Variants in MICAL3 observed in about 807,000 individuals in gnomAD.
The protein encoded by MICAL3 is microtubule associated monooxygenase, calponin and LIM domain containing 3, also known as [F-actin]-monooxygenase MICAL3.
MICAL3 carries 62 observed loss-of-function variants against 207.4 expected under a neutral mutation model. That is an observed-to-expected ratio of 0.30 (90% CI 0.24 to 0.37). The LOEUF is 0.37. Ranked by LOEUF, MICAL3 falls within the 10% of genes least tolerant of loss-of-function variation. MICAL3 has a pLI of 1.00. For missense variants in MICAL3, 2,368 were observed against 2,635.6 expected, an observed-to-expected ratio of 0.90 and a Z score of 2.22; for synonymous variants, 1,077 against 1,069.3, an observed-to-expected ratio of 1.01 and a Z score of -0.14.
intron 16 of MICAL3, chr22:17,872,779 G>T: frequency 6.2e-7 from 1 of 1,613,626 alleles, no homozygotes; most frequent in Non-Finnish European, 8.5e-7. Context: ...GCTTTGGGTT[G>T]TTCTTTCCTT....
intron 1 of MICAL3, among the ~76,000 whole-genome samples, chr22:18,006,862 C>CT (rs1432393217): frequency 6.6e-6 from 1 of 152,148 alleles, no homozygotes; most frequent in Non-Finnish European, 1.5e-5. Flanking sequence ...ATTCTGATTT[C>CT]TTTTTTTGTT....
intron 29 of MICAL3, among the ~76,000 whole-genome samples, chr22:17,799,942 A>G (rs12168131): frequency 0.19 from 27,258 of 144,160 alleles, 4,692 homozygotes; most frequent in African/African-American, 0.47. Context: ...GGGAAACCTC[A>G]CTCTAAAACA....
chr22:17,964,634 C>CT (rs1215188853), intron 1 of MICAL3, among the ~76,000 whole-genome samples: 1 of 152,230 alleles, frequency 6.6e-6, no homozygotes, highest in Non-Finnish European at 1.5e-5. Context: ...CTAGAACCCT[C>CT]TGACAGAAAG....
At chr22:17,813,917 G>C (rs140478485) in intron 27 of MICAL3, 3 of 152,184 alleles carry the variant, frequency 2.0e-5, no homozygotes, top group African/African-American at 7.2e-5. Flanking sequence ...AGAGGTAAAC[G>C]CAAGTTCTCT....
At chr22:17,856,859 G>C (rs1925969521) in intron 19 of MICAL3, among the ~76,000 whole-genome samples, 1 of 151,858 alleles carries the variant, frequency 6.6e-6, no homozygotes, top group South Asian at 2.1e-4. Flanking sequence ...CTGAACTCAT[G>C]ATCCACCCGC....
rs140546135 is a variant in MICAL3, at chr22:17,952,608, G to A, written c.-74-45722C>T. Reference sequence around the variant, plus strand: ...AAACAAACACCAAGCAGCCAATCACGCGCTATAAAATACCAAGCAGCTAAT... The same window carrying A: ...AAACAAACACCAAGCAGCCAATCACACGCTATAAAATACCAAGCAGCTAAT... On this transcript the variant is annotated intron_variant, in intron 1 of 31. Transcript: ENST00000441493. Among the ~76,000 whole-genome samples the A allele has an allele frequency of 3.7e-4, 57 of 152,298 alleles. 1 individual carries two copies. Among genetic ancestry groups the A allele is most frequent in the East Asian group, 3.3e-3 (17 of 5,188 alleles).
chr22:17,910,712 G>C (rs944817824), intron 1 of MICAL3, among the ~76,000 whole-genome samples: 4 of 152,180 alleles, frequency 2.6e-5, no homozygotes, highest in Non-Finnish European at 5.9e-5. Context: ...GCATTGCTCT[G>C]TGGCTCTGCT....
At chr22:17,916,818 C>T (rs1360676471) in intron 1 of MICAL3, among the ~76,000 whole-genome samples, 1 of 152,184 alleles carries the variant, frequency 6.6e-6, no homozygotes, top group Non-Finnish European at 1.5e-5. Context: ...AACTCAGTCT[C>T]TGATCTCTTT....
At chr22:17,984,748 T>C (rs1257822073) in intron 1 of MICAL3, among the ~76,000 whole-genome samples, 1 of 152,276 alleles carries the variant, frequency 6.6e-6, no homozygotes, top group Non-Finnish European at 1.5e-5. Flanking sequence ...GCAGGTGTTA[T>C]GCTATGCATT....
chr22:17,816,014 G>T (rs1170158453), intron 27 of MICAL3, among the ~76,000 whole-genome samples: 7 of 152,238 alleles, frequency 4.6e-5, no homozygotes, highest in Non-Finnish European at 7.3e-5. Context: ...CCAGGAGGAG[G>T]AGCACAGGCC....
intron 1 of MICAL3, among the ~76,000 whole-genome samples, chr22:17,957,127 T>A (rs921562645): frequency 1.3e-4 from 20 of 152,172 alleles, no homozygotes; most frequent in African/African-American, 4.8e-4. Flanking sequence ...TGCTTTGTTA[T>A]GAGGTAACCT....
chr22:17,938,373 C>A (rs1413432289), intron 1 of MICAL3, among the ~76,000 whole-genome samples: 1 of 152,212 alleles, frequency 6.6e-6, no homozygotes, highest in Non-Finnish European at 1.5e-5. Flanking sequence ...GAATTCAGAT[C>A]ACTCAATAGC....
At chr22:17,875,277 C>T in intron 16 of MICAL3, 1 of 427,668 alleles carries the variant, frequency 2.3e-6, no homozygotes, top group Non-Finnish European at 4.2e-6. Flanking sequence ...TGCCACAGAC[C>T]TCACACACGA....
chr22:17,954,835 C>T (rs1934534802), intron 1 of MICAL3, among the ~76,000 whole-genome samples: 1 of 151,984 alleles, frequency 6.6e-6, no homozygotes, highest in Non-Finnish European at 1.5e-5. Flanking sequence ...CAACCTCGCC[C>T]TCCCGGGTTC....
At chr22:17,798,412 T>C (rs1191319249) in intron 29 of MICAL3, among the ~76,000 whole-genome samples, 1 of 152,156 alleles carries the variant, frequency 6.6e-6, no homozygotes, top group Non-Finnish European at 1.5e-5. Context: ...TGGTTTTCAG[T>C]TCCCTTTGGT....
At chr22:17,863,041 C>T (rs1343564238) in intron 19 of MICAL3, 6 of 985,334 alleles carry the variant, frequency 6.1e-6, no homozygotes, top group Non-Finnish European at 7.2e-6. Flanking sequence ...TGCCAACCCT[C>T]ATCCTCTCTC....
rs779810355 is a variant in MICAL3, at chr22:17,842,026, C to T, written c.2606-9G>A. 2.5e-6 allele frequency: 4 copies of T among 1,597,214 alleles called. No individual in the cohort carries two copies. The highest frequency in any genetic ancestry group is 3.4e-6 in the Non-Finnish European group (4 of 1,177,662). ...GCCGTTCACGCCTGAACCTGCGGGACAAGCACAGAAGCACTGCACTGAGGT... is the reference window on the plus strand; with the variant it reads ...GCCGTTCACGCCTGAACCTGCGGGATAAGCACAGAAGCACTGCACTGAGGT... On this transcript the variant is annotated splice_polypyrimidine_tract_variant and intron_variant, in intron 19 of 31. Transcript: ENST00000441493.
At chr22:17,991,054 T>C (rs1174556910) in intron 1 of MICAL3, among the ~76,000 whole-genome samples, 1 of 152,150 alleles carries the variant, frequency 6.6e-6, no homozygotes, top group African/African-American at 2.4e-5. Context: ...GCAGCAGAGA[T>C]GGTCCACACG....
intron 27 of MICAL3, 32 bp downstream of exon 27, chr22:17,816,658 G>A (rs1921027244): frequency 6.7e-7 from 1 of 1,500,782 alleles, no homozygotes; most frequent in East Asian, 2.5e-5. Context: ...CAGGGCCCCA[G>A]GCCCTGTGAA....
Sources: gnomAD v4.1 joint callset for allele counts (sites outside exome capture counted in the v4.1 genomes callset) on GRCh38, gnomAD v4.1.1 for gene constraint, MANE v1.5 for transcripts, NCBI Gene and HGNC (gene_info 2026-07-23, HGNC 2026-07-21) for gene names.